Variants in USH2A observed in about 807,000 individuals in gnomAD.
USH2A encodes the protein Usher syndrome 2A (autosomal recessive, mild).
A neutral mutation model predicts 538.9 loss-of-function variants in USH2A; 443 were observed. That is an observed-to-expected ratio of 0.82 (90% confidence interval 0.76 to 0.89). The LOEUF (loss-of-function observed/expected upper bound fraction) is 0.89, where lower values mean the gene tolerates loss of function less well. Among genes scored for constraint, USH2A ranks in the 40% least tolerant of loss-of-function variants. The pLI is 0.00. For missense variants in USH2A, 6,633 were observed against 6,324.8 expected (o/e 1.05, Z -1.65); for synonymous variants, 2,413 against 2,273.5 (o/e 1.06, Z -1.75).
intron 32 of USH2A, among the ~76,000 whole-genome samples, chr1:216,014,739 G>T (rs533635785): frequency 6.6e-6 from 1 of 152,290 alleles, no homozygotes; most frequent in East Asian, 1.9e-4. Context: ...ATCCTTAGAC[G>T]TGTTACAAGG....
intron 37 of USH2A, among the ~76,000 whole-genome samples, chr1:215,941,523 T>A (rs771354761): frequency 1.3e-5 from 2 of 152,152 alleles, no homozygotes; most frequent in African/African-American, 4.8e-5. Context: ...CAGCTAAAAG[T>A]TATTGAACAA....
intron 20 of USH2A, among the ~76,000 whole-genome samples, chr1:216,180,055 CA>C (rs1479451806): frequency 4.6e-5 from 7 of 152,052 alleles, no homozygotes; most frequent in African/African-American, 1.7e-4. Flanking sequence ...GCTTCTACAA[CA>C]ATATACATAT....
At chr1:215,852,758 G>A (rs1209724364) in intron 44 of USH2A, among the ~76,000 whole-genome samples, 1 of 152,196 alleles carries the variant, frequency 6.6e-6, no homozygotes, top group Non-Finnish European at 1.5e-5. Flanking sequence ...CCAAAATCAA[G>A]CAGGGAAGTC....
intron 46 of USH2A, among the ~76,000 whole-genome samples, 186 bp from the exon 47 acceptor site, chr1:215,838,289 G>A (rs763212895): frequency 6.6e-6 from 1 of 152,124 alleles, no homozygotes; most frequent in Non-Finnish European, 1.5e-5. Context: ...AGGAAGGTAC[G>A]GAATTGGGAT....
intron 30 of USH2A, among the ~76,000 whole-genome samples, chr1:216,058,987 T>C (rs2031080716): frequency 6.6e-6 from 1 of 152,008 alleles, no homozygotes; most frequent in Admixed American, 6.6e-5. Context: ...GCACAGAGAG[T>C]ACCATAGGCA....
At position 215,894,411 on chromosome 1, in the gene USH2A, C is replaced by T. The variant is rs182990788; in HGVS notation, c.7595-5357G>A. On this transcript the variant is annotated intron_variant, in intron 40 of 71. Coordinates refer to ENST00000307340, the MANE Select transcript of USH2A (RefSeq NM_206933.4). ...AGGGCATATGTGCACTTAAATGATT[C>T]GGAAGTCCTACTCTAGAATTATCTT... is the stretch of plus-strand genomic sequence containing the variant. Among the ~76,000 whole-genome samples, 673 of 152,212 alleles carry T rather than the reference C, an allele frequency of 4.4e-3. 7 individuals are homozygous for T. Among genetic ancestry groups the T allele is most frequent in the African/African-American group, 0.015 (630 of 41,540 alleles).
At chr1:215,946,017 A>C (rs1464453973) in intron 37 of USH2A, among the ~76,000 whole-genome samples, 1 of 152,212 alleles carries the variant, frequency 6.6e-6, no homozygotes, top group Non-Finnish European at 1.5e-5. Flanking sequence ...AAAAGAAGTC[A>C]TATCAGAAAT....
intron 51 of USH2A, among the ~76,000 whole-genome samples, chr1:215,789,029 A>G (rs1311840387): frequency 6.6e-6 from 1 of 152,166 alleles, no homozygotes; most frequent in Non-Finnish European, 1.5e-5. Context: ...TGGGCCAGCT[A>G]TGTAAAAATC....
In USH2A at chr1:216,422,368, G is replaced by A; in HGVS notation, c.-32C>T. 6.2e-7 allele frequency: 1 copy of A among 1,613,074 alleles called. No homozygotes were observed. Among genetic ancestry groups the A allele is most frequent in the Non-Finnish European group, 8.5e-7 (1 of 1,179,654 alleles). On this transcript the variant is annotated 5_prime_UTR_variant, in exon 2 of 72. Transcript: ENST00000307340. ...AAAAAAGCATTCTCCTCCTGATAAA[G>A]CATTTCTAAATAAATAATCAGGCCC...
chr1:215,656,526 C>T (rs180998228), intron 64 of USH2A, among the ~76,000 whole-genome samples: 8 of 152,186 alleles, frequency 5.3e-5, no homozygotes, highest in Admixed American at 1.3e-4. Flanking sequence ...CAAATTCAGC[C>T]GATTAATCTT....
At chr1:215,742,976 T>G (rs1381382389) in intron 59 of USH2A, among the ~76,000 whole-genome samples, 1 of 152,194 alleles carries the variant, frequency 6.6e-6, no homozygotes, top group Non-Finnish European at 1.5e-5. Flanking sequence ...TATATTTAAA[T>G]ATTTATGATT....
At chr1:215,714,597 G>C (rs1659430997) in intron 61 of USH2A, among the ~76,000 whole-genome samples, 1 of 151,950 alleles carries the variant, frequency 6.6e-6, no homozygotes, top group African/African-American at 2.4e-5. Flanking sequence ...TTTATATCCT[G>C]GTCTTTCTCC....
intron 4 of USH2A, among the ~76,000 whole-genome samples, chr1:216,352,175 C>G (rs2038300119): frequency 6.6e-6 from 1 of 151,972 alleles, no homozygotes; most frequent in South Asian, 2.1e-4. Context: ...AGCTATAAGA[C>G]TGGAGGTGAT....
rs79246149 is a variant in USH2A, at chr1:216,366,941, T to C, written c.652-1856A>G. The stretch of plus-strand genomic sequence containing the variant: ...TATCATTATAAAAGATACAGGCTTT[T>C]CTACTTTGTTATTTGTAGCATTATC... On this transcript the variant is annotated intron_variant, in intron 3 of 71. Coordinates refer to ENST00000307340, the MANE Select transcript of USH2A (RefSeq NM_206933.4). 9.4e-4 allele frequency among the ~76,000 whole-genome samples: 143 copies of C among 152,302 alleles called. 1 individual carries two copies. Among genetic ancestry groups the C allele is most frequent in the African/African-American group, 3.3e-3 (136 of 41,572 alleles).
At chr1:215,796,481 T>C (rs1662140562) in intron 50 of USH2A, among the ~76,000 whole-genome samples, 1 of 152,130 alleles carries the variant, frequency 6.6e-6, no homozygotes. Flanking sequence ...TTGATGTTAC[T>C]ATGGTAATTG....
intron 64 of USH2A, among the ~76,000 whole-genome samples, chr1:215,666,719 T>C (rs747385503): frequency 5.9e-5 from 9 of 152,118 alleles, no homozygotes; most frequent in Non-Finnish European, 1.0e-4. Context: ...TTAAGTAGCA[T>C]AGCAGCAATG....
intron 61 of USH2A, among the ~76,000 whole-genome samples, chr1:215,698,720 T>G (rs1489109853): frequency 6.6e-6 from 1 of 152,242 alleles, no homozygotes; most frequent in African/African-American, 2.4e-5. Context: ...ATTCTGGATA[T>G]TAGCCCTTTG....
chr1:215,659,336 G>A (rs1177902357), intron 64 of USH2A, among the ~76,000 whole-genome samples: 2 of 152,150 alleles, frequency 1.3e-5, no homozygotes, highest in African/African-American at 4.8e-5. Context: ...CCTCAAGAAG[G>A]CCAGTGTGGC....
At chr1:215,912,513 G>GTGTATA (rs1665832824) in intron 38 of USH2A, among the ~76,000 whole-genome samples, 1 of 16,960 alleles carries the variant, frequency 5.9e-5, no homozygotes, top group Admixed American at 6.4e-4. Context: ...ATATATATAC[G>GTGTATA]TGTATATATA....
Sources: gnomAD v4.1 joint callset for allele counts (sites outside exome capture counted in the v4.1 genomes callset) on GRCh38, gnomAD v4.1.1 for gene constraint, MANE v1.5 for transcripts, NCBI Gene and HGNC (gene_info 2026-07-23, HGNC 2026-07-21) for gene names.